The following AOPEP variants were observed in gnomAD, a reference collection of about 807,000 sequenced individuals.
The protein encoded by AOPEP is aminopeptidase O (putative).
Under a neutral mutation model 98.1 loss-of-function variants are expected in AOPEP, and 77 were observed. The ratio of observed to expected loss-of-function variants is 0.78; its 90% CI spans 0.65 to 0.95. The LOEUF (loss-of-function observed/expected upper bound fraction) is 0.95. AOPEP is among the 40% of genes least tolerant of loss of function. The probability of loss-of-function intolerance (pLI) is 0.00; values close to 1 mark genes in which losing one functional copy is unlikely to be tolerated. For missense variants in AOPEP, 1,024 were observed against 1,024.7 expected, an observed-to-expected ratio of 1.00 and a Z score of 0.01; for synonymous variants, 346 against 365.3, an observed-to-expected ratio of 0.95 and a Z score of 0.60.
At chr9:94,850,783 CTG>C (rs777162778) in intron 5 of AOPEP, among the ~76,000 whole-genome samples, 1 of 152,208 alleles carries the variant, frequency 6.6e-6, no homozygotes, top group Non-Finnish European at 1.5e-5. Flanking sequence ...GTCCACATTT[CTG>C]TGAGTTCATC....
intron 13 of AOPEP, among the ~76,000 whole-genome samples, chr9:95,055,107 T>C (rs1344168580): frequency 1.3e-5 from 2 of 152,266 alleles, no homozygotes; most frequent in Non-Finnish European, 2.9e-5. Context: ...TTATACAAAT[T>C]ACTAATTTAG....
intron 7 of AOPEP, among the ~76,000 whole-genome samples, chr9:94,939,689 C>G (rs2056775340): frequency 6.6e-6 from 1 of 152,154 alleles, no homozygotes; most frequent in Non-Finnish European, 1.5e-5. Context: ...GTTTCATATA[C>G]AAAATTATTT....
chr9:94,918,961 G>C (rs2053208570), intron 5 of AOPEP, among the ~76,000 whole-genome samples: 1 of 151,754 alleles, frequency 6.6e-6, no homozygotes, highest in South Asian at 2.1e-4. Context: ...TGTTGCCTGG[G>C]CTGGAGTGCA....
chr9:94,807,507 A>G (rs1158814485), intron 5 of AOPEP, among the ~76,000 whole-genome samples: 2 of 152,126 alleles, frequency 1.3e-5, no homozygotes, highest in African/African-American at 2.4e-5. Context: ...CTAGGTTCCT[A>G]ATGTCTTCCA....
intron 1 of AOPEP, among the ~76,000 whole-genome samples, chr9:94,747,087 T>C (rs1247733098): frequency 1.3e-5 from 2 of 151,824 alleles, no homozygotes; most frequent in Non-Finnish European, 2.9e-5. Context: ...GAGTCTTTCA[T>C]TACATGATCA....
intron 7 of AOPEP, among the ~76,000 whole-genome samples, chr9:94,931,275 A>G (rs67490803): frequency 0.11 from 16,107 of 152,118 alleles, 1,658 homozygotes; most frequent in African/African-American, 0.27. Context: ...AGACCTTTGT[A>G]CTAGACAGTT....
chr9:95,131,452 C>A, the AOPEP span, among the ~76,000 whole-genome samples: 69 of 152,320 alleles, frequency 4.5e-4, no homozygotes, highest in Admixed American at 1.1e-3. Flanking sequence ...AGGTCTGCAT[C>A]CCCAACTGCA....
chr9:95,052,748 A>G (rs1429489300), intron 13 of AOPEP, among the ~76,000 whole-genome samples: 2 of 152,204 alleles, frequency 1.3e-5, no homozygotes, highest in Non-Finnish European at 2.9e-5. Flanking sequence ...CTGGGTTTGG[A>G]TGAAATTACT....
chr9:94,997,741 T>G (rs1403547586), intron 11 of AOPEP, among the ~76,000 whole-genome samples: 1 of 152,208 alleles, frequency 6.6e-6, no homozygotes, highest in Non-Finnish European at 1.5e-5. Context: ...TTACCCAGGC[T>G]GGAGTGCGGT....
chr9:94,924,004 C>G lies in AOPEP; in HGVS notation c.1383C>G (p.Leu461=). ...LGMASPHIMF[L]SQSILTGGNH... ...TCCACAGCCCACACATCATGTTCCTCTCTCAGAGCATCTTGACAGGAGGGA... is the reference window on the plus strand; with the variant it reads ...TCCACAGCCCACACATCATGTTCCTGTCTCAGAGCATCTTGACAGGAGGGA... Residue 461 remains leucine, a synonymous_variant, in exon 6 of 17, where the codon CTC becomes CTG. Coordinates refer to ENST00000375315, the MANE Select transcript of AOPEP (RefSeq NM_001193329.3). 6.8e-7 allele frequency: 1 copy of G among 1,473,012 alleles called. No homozygotes were observed. The highest frequency in any genetic ancestry group is 9.0e-7 in the Non-Finnish European group (1 of 1,106,738). 91.2% of individuals were successfully genotyped at this position (1,473,012 alleles called of 1,614,324 possible). A position where few individuals can be genotyped will look rare whatever the true frequency, so the allele number is the denominator to read the frequency against.
rs41281194 is a variant in AOPEP at position 95,082,571 on chromosome 9, G to A, written c.2320-4G>A. Reference sequence around the variant, plus strand: ...TGATGCCCTTTGGCCTCTGTGCCCTGCAGGCCATGGGTGTGTACCTCTACG... The same window carrying A: ...TGATGCCCTTTGGCCTCTGTGCCCTACAGGCCATGGGTGTGTACCTCTACG... On this transcript the variant is annotated splice_polypyrimidine_tract_variant and splice_region_variant and intron_variant, in intron 15 of 16. Coordinates refer to ENST00000375315, the MANE Select transcript of AOPEP (RefSeq NM_001193329.3). The A allele has an allele frequency of 8.7e-4, 1,405 of 1,613,906 alleles. 3 individuals carry two copies. Among genetic ancestry groups the A allele is most frequent in the Admixed American group, 3.2e-3 (190 of 60,024 alleles).
the AOPEP span, chr9:95,107,238 A>G: frequency 6.2e-7 from 1 of 1,614,116 alleles, no homozygotes; most frequent in Non-Finnish European, 8.5e-7. Context: ...GGACATTGCC[A>G]GGAGGTGGCC....
chr9:94,937,807 G>A (rs187092251), intron 7 of AOPEP, among the ~76,000 whole-genome samples: 1 of 152,116 alleles, frequency 6.6e-6, no homozygotes, highest in Admixed American at 6.5e-5. Context: ...TACATGATTT[G>A]GTCATTCTTT....
intron 13 of AOPEP, chr9:95,006,201 TATC>T (rs1219866197): frequency 1.7e-5 from 7 of 412,606 alleles, no homozygotes; most frequent in South Asian, 1.9e-5. Flanking sequence ...GTCATTGTAA[TATC>T]ATGAAATAAG....
At chr9:95,037,069 C>T (rs1376264693) in intron 13 of AOPEP, among the ~76,000 whole-genome samples, 1 of 152,122 alleles carries the variant, frequency 6.6e-6, no homozygotes, top group Admixed American at 6.5e-5. Context: ...GAGCTGTCTT[C>T]GGCCTAAGAG....
chr9:94,960,879 G>A (rs925379142), intron 9 of AOPEP, among the ~76,000 whole-genome samples: 1 of 152,026 alleles, frequency 6.6e-6, no homozygotes, highest in Non-Finnish European at 1.5e-5. Flanking sequence ...GGGCGCGGTG[G>A]GGGGCGCCTG....
intron 11 of AOPEP, among the ~76,000 whole-genome samples, chr9:94,991,774 A>G (rs567944026): frequency 1.3e-5 from 2 of 152,314 alleles, no homozygotes; most frequent in Non-Finnish European, 2.9e-5. Flanking sequence ...CTTCCACTAG[A>G]TATTTCTAAA....
intron 2 of AOPEP, among the ~76,000 whole-genome samples, chr9:94,764,819 A>G (rs1175145077): frequency 6.6e-6 from 1 of 152,146 alleles, no homozygotes; most frequent in Non-Finnish European, 1.5e-5. Context: ...AAAGCTGAGT[A>G]TGGAGTATAT....
At chr9:95,097,431 C>T in the AOPEP span, among the ~76,000 whole-genome samples, 1 of 152,194 alleles carries the variant, frequency 6.6e-6, no homozygotes, top group African/African-American at 2.4e-5. Context: ...CCAGGCTCCT[C>T]CATCTGATGC....
Sources: gnomAD v4.1 joint callset for allele counts (sites outside exome capture counted in the v4.1 genomes callset) on GRCh38, gnomAD v4.1.1 for gene constraint, MANE v1.5 for transcripts, NCBI Gene and HGNC (gene_info 2026-07-23, HGNC 2026-07-21) for gene names.